The following KCTD12 variants were observed in gnomAD, a reference collection of about 807,000 sequenced individuals.
KCTD12 encodes BTB/POZ domain-containing protein KCTD12.
KCTD12 carries 16 observed loss-of-function variants against 22.6 expected under a neutral mutation model. That is an observed-to-expected ratio of 0.71 (90% CI 0.48 to 1.07). The LOEUF is 1.07. KCTD12 is among the 50% of genes least tolerant of loss of function. The probability of loss-of-function intolerance (pLI) is 0.00; values close to 1 mark genes in which losing one functional copy is unlikely to be tolerated. For synonymous variants in KCTD12, 260 were observed against 228.0 expected, an observed-to-expected ratio of 1.14 and a Z score of -1.26; for missense variants, 452 against 469.2, an observed-to-expected ratio of 0.96 and a Z score of 0.34.
rs1460843964 is a variant in KCTD12, at chr13:76,884,146, C to G, written c.*1025G>C. ...TGTCTGCTTCTCCCTTCCCACCCTT[C>G]CTACCCTTTCCTCCCTCCCCACCCC... On this transcript the variant is annotated 3_prime_UTR_variant, in exon 1 of 1. Coordinates refer to ENST00000377474, the MANE Select transcript of KCTD12 (RefSeq NM_138444.4). The G allele has an allele frequency of 1.3e-5, 2 of 151,524 alleles. No homozygotes were observed. Among genetic ancestry groups the G allele is most frequent in the Non-Finnish European group, 1.5e-5 (1 of 67,998 alleles). 9.4% of individuals were successfully genotyped at this position (151,524 alleles called of 1,614,324 possible).
chr13:76,884,994 G>A lies in KCTD12; in HGVS notation c.*177C>T. ...GAAGACGAAGCAGCCCAGAGGATTT[G>A]CGGCTGCAGGTTCTGTAGTGGAGGG... On this transcript the variant is annotated 3_prime_UTR_variant, in exon 1 of 1. Coordinates refer to ENST00000377474, the MANE Select transcript of KCTD12 (RefSeq NM_138444.4). 2 of 673,974 alleles carry A rather than the reference G, an allele frequency of 3.0e-6. No individual in the cohort carries two copies. Among genetic ancestry groups the A allele is most frequent in the South Asian group, 3.9e-5 (2 of 50,848 alleles). 41.7% of individuals were successfully genotyped at this position (673,974 alleles called of 1,614,324 possible). A position where few individuals can be genotyped will look rare whatever the true frequency, so the allele number is the denominator to read the frequency against.
chr13:76,884,339 C>CGGCA lies in KCTD12; in HGVS notation c.*828_*831dup, dbSNP rs1322010258. ...ACCTGAGCAGCCTTGCACTCTTAGG[C>CGGCA]GGCAGCGTCCTTTCTCCCTCTTGCC... On this transcript the variant is annotated 3_prime_UTR_variant, in exon 1 of 1. Transcript: ENST00000377474. The CGGCA allele has an allele frequency of 6.6e-6, 1 of 152,160 alleles. No individual in the cohort carries two copies. The highest frequency in any genetic ancestry group is 1.9e-4 in the East Asian group (1 of 5,188). The allele number at this position is 152,160 out of a possible 1,614,324, so 9.4% of individuals were successfully genotyped here.
At position 76,886,173 on chromosome 13, in the gene KCTD12, C is replaced by T; in HGVS notation, c.-25G>A. ...TGACAGAGAGGTGGCCGGGCCGGGACAGTGGCAGGAAGCCGCGCTGCACTC... is the reference window on the plus strand; with the variant it reads ...TGACAGAGAGGTGGCCGGGCCGGGATAGTGGCAGGAAGCCGCGCTGCACTC... On this transcript the variant is annotated 5_prime_UTR_variant, in exon 1 of 1. Coordinates refer to ENST00000377474, the MANE Select transcript of KCTD12 (RefSeq NM_138444.4). 6.9e-7 allele frequency: 1 copy of T among 1,447,288 alleles called. No individual in the cohort carries two copies. The highest frequency in any genetic ancestry group is 9.1e-7 in the Non-Finnish European group (1 of 1,103,822). The allele number at this position is 1,447,288 out of a possible 1,614,324, so 89.7% of individuals were successfully genotyped here.
Position 76,885,932 on chromosome 13 carries a change from CCAGCTCCTG to C in KCTD12, c.208_216del (p.Gln70_Leu72del), listed in dbSNP as rs769617749. The C allele has an allele frequency of 1.3e-6, 2 of 1,593,556 alleles. No homozygotes were observed. Among genetic ancestry groups the C allele is most frequent in the South Asian group, 1.1e-5 (1 of 90,032 alleles). The stretch of plus-strand genomic sequence containing the variant: ...AAGAAGCGGCCTTTGCTGTCCCGGG[CCAGCTCCTG>C]CGGCTGCTGCTGCGTGAACATGCGC... On this transcript the variant is annotated inframe_deletion, in exon 1 of 1. Transcript: ENST00000377474. The surrounding 1 kb of genome is among the most constrained non-coding windows in gnomAD (Gnocchi z 5.1).
rs190963511 is a variant in KCTD12, at chr13:76,885,222, G to A, written c.927C>T (p.Ser309=). 42 of 1,614,056 alleles carry A rather than the reference G, an allele frequency of 2.6e-5. No homozygotes were observed. Among genetic ancestry groups the A allele is most frequent in the Admixed American group, 8.3e-5 (5 of 60,028 alleles). Residue 309 remains serine (S), a synonymous_variant, in exon 1 of 1, where the codon AGC becomes AGT. Transcript: ENST00000377474. The surrounding 1 kb of genome is among the most constrained non-coding windows in gnomAD (Gnocchi z 5.1). ...TCAFASSTDQ[S]EDKIWTSYTE... is the part of the protein sequence containing the mutation. ...TGTAGCTGGTCCAGATCTTGTCCTC[G>A]CTCTGGTCGGTGCTGCTGGCAAAGG...
chr13:76,886,163 C>A lies in KCTD12; in HGVS notation c.-15G>T. On this transcript the variant is annotated 5_prime_UTR_variant, in exon 1 of 1. Coordinates refer to ENST00000377474, the MANE Select transcript of KCTD12 (RefSeq NM_138444.4). The stretch of plus-strand genomic sequence containing the variant: ...GCCAGAGCCATGACAGAGAGGTGGC[C>A]GGGCCGGGACAGTGGCAGGAAGCCG... 1.4e-6 allele frequency: 2 copies of A among 1,459,280 alleles called. No individual in the cohort carries two copies. The highest frequency in any genetic ancestry group is 1.8e-6 in the Non-Finnish European group (2 of 1,107,782). The allele number at this position is 1,459,280 out of a possible 1,614,324, so 90.4% of individuals were successfully genotyped here. A position where few individuals can be genotyped will look rare whatever the true frequency, so the allele number is the denominator to read the frequency against.
In KCTD12 at chr13:76,884,680, T is replaced by C. The variant is rs577426162; in HGVS notation, c.*491A>G. 1 of 154,752 alleles carries C rather than the reference T, an allele frequency of 6.5e-6. No homozygotes were observed. Among genetic ancestry groups the C allele is most frequent in the African/African-American group, 2.4e-5 (1 of 41,586 alleles). 9.6% of individuals were successfully genotyped at this position (154,752 alleles called of 1,614,324 possible). A position where few individuals can be genotyped will look rare whatever the true frequency, so the allele number is the denominator to read the frequency against. On this transcript the variant is annotated 3_prime_UTR_variant, in exon 1 of 1. Transcript: ENST00000377474. ...TCAAAAAGACTGTGTAATGACCTTGTAAAACACTAACCCCAGACAGTGGAA... is the reference window on the plus strand; with the variant it reads ...TCAAAAAGACTGTGTAATGACCTTGCAAAACACTAACCCCAGACAGTGGAA...
chr13:76,885,653 G>C lies in KCTD12; in HGVS notation c.496C>G (p.Gln166Glu). ...LLPLGYSEPE[Q>E]QEGASAGAPS... ...GCCCCGGCAGAGGCGCCCTCCTGCT[G>C]TTCGGGCTCCGAGTAGCCAAGCGGC... is the stretch of plus-strand genomic sequence containing the variant. The change falls in exon 1 of 1, where the codon CAG becomes GAG. Residue 166 changes from glutamine to glutamate, a missense_variant. Physicochemically the swap from Gln to Glu is conservative, Grantham distance 29. This residue lies in a region of KCTD12 where 330 missense variants were observed against 296.5 expected (regional missense o/e 1.11). Coordinates refer to ENST00000377474, the MANE Select transcript of KCTD12 (RefSeq NM_138444.4). This position sits in a 1 kb window ranked among gnomAD's most constrained non-coding sequence, Gnocchi z 5.1. 1 of 1,486,872 alleles carries C rather than the reference G, an allele frequency of 6.7e-7. No homozygotes were observed. Among genetic ancestry groups the C allele is most frequent in the Non-Finnish European group, 8.8e-7 (1 of 1,130,760 alleles). The allele number at this position is 1,486,872 out of a possible 1,614,324, so 92.1% of individuals were successfully genotyped here. A position where few individuals can be genotyped will look rare whatever the true frequency, so the allele number is the denominator to read the frequency against.
chr13:76,885,314 G>C lies in KCTD12; in HGVS notation c.835C>G (p.Gln279Glu). The change falls in exon 1 of 1, where the codon CAG (glutamine) becomes GAG (glutamate). Residue 279 changes from glutamine (Q) to glutamate (E), a missense_variant. Around this residue, in one of 2 missense-constraint regions of KCTD12, gnomAD observed 122 missense variants for 172.8 expected, o/e 0.71. Transcript: ENST00000377474. The surrounding 1 kb of genome is among the most constrained non-coding windows in gnomAD (Gnocchi z 5.1). The part of the protein sequence containing the change: ...RYYLKFNFLE[Q>E]AFDKLSESGF... Reference sequence around the variant, plus strand: ...GACTCGGACAGCTTGTCGAAGGCCTGCTCCAGGAAGTTGAACTTGAGGTAA... The same window carrying C: ...GACTCGGACAGCTTGTCGAAGGCCTCCTCCAGGAAGTTGAACTTGAGGTAA... 6.2e-7 allele frequency: 1 copy of C among 1,613,974 alleles called. No individual in the cohort carries two copies. Among genetic ancestry groups the C allele is most frequent in the Non-Finnish European group, 8.5e-7 (1 of 1,179,964 alleles).
In KCTD12 at chr13:76,885,342, G is replaced by C; in HGVS notation, c.807C>G (p.Arg269=). The C allele has an allele frequency of 1.2e-6, 2 of 1,613,866 alleles. No individual in the cohort carries two copies. The highest frequency in any genetic ancestry group is 1.7e-6 in the Non-Finnish European group (2 of 1,179,916). ...PDRPPERYTS[R]YYLKFNFLEQ... Reference sequence around the variant, plus strand: ...CCAGGAAGTTGAACTTGAGGTAATAGCGCGAGGTGTAGCGCTCCGGGGGAC... The same window carrying C: ...CCAGGAAGTTGAACTTGAGGTAATACCGCGAGGTGTAGCGCTCCGGGGGAC... Residue 269 remains arginine, a synonymous_variant, in exon 1 of 1, where the codon CGC becomes CGG. Coordinates refer to ENST00000377474, the MANE Select transcript of KCTD12 (RefSeq NM_138444.4). The surrounding 1 kb of genome is among the most constrained non-coding windows in gnomAD (Gnocchi z 5.1).
rs944926027 is a variant in KCTD12 at position 76,881,596 on chromosome 13, T to G, written c.*3575A>C. 1.3e-5 allele frequency: 2 copies of G among 152,536 alleles called. No individual in the cohort carries two copies. The highest frequency in any genetic ancestry group is 2.9e-5 in the Non-Finnish European group (2 of 68,012). The allele number at this position is 152,536 out of a possible 1,614,324, so 9.4% of individuals were successfully genotyped here. A position where few individuals can be genotyped will look rare whatever the true frequency, so the allele number is the denominator to read the frequency against. On this transcript the variant is annotated 3_prime_UTR_variant, in exon 1 of 1. Transcript: ENST00000377474. Reference sequence around the variant, plus strand: ...GGTCCCATATATACAGACATATATATGGCTCTGGTTTGAAAGAGAAGACAA... The same window carrying G: ...GGTCCCATATATACAGACATATATAGGGCTCTGGTTTGAAAGAGAAGACAA...
rs759957854 is a variant in KCTD12 at position 76,881,037 on chromosome 13, C to G, written c.*4134G>C. ...CAAAGAAAAGCTAACTTCAACATAA[C>G]TTGTTTCTGGCTATACAAAGACCTA... On this transcript the variant is annotated 3_prime_UTR_variant, in exon 1 of 1. Transcript: ENST00000377474. The G allele has an allele frequency of 1.3e-5, 2 of 152,162 alleles. No homozygotes were observed. The highest frequency in any genetic ancestry group is 2.9e-5 in the Non-Finnish European group (2 of 67,996). The allele number at this position is 152,162 out of a possible 1,614,324, so 9.4% of individuals were successfully genotyped here. A position where few individuals can be genotyped will look rare whatever the true frequency, so the allele number is the denominator to read the frequency against.
chr13:76,885,544 T>C lies in KCTD12; in HGVS notation c.605A>G (p.Asp202Gly), dbSNP rs776217189. ...GATGTAGCCCGAGCGCCGGCTGCCG[T>C]CCAGCGACTGGGACGGCGTGAGCAG... Reference protein sequence around the residue: ...GPLLTPSQSLDGSRRSGYITI... With the variant: ...GPLLTPSQSLGGSRRSGYITI... The change falls in exon 1 of 1, where the codon GAC (aspartate) becomes GGC (glycine). Residue 202 changes from aspartate to glycine, a missense_variant. This residue lies in a region of KCTD12 where 330 missense variants were observed against 296.5 expected (regional missense o/e 1.11). Coordinates refer to ENST00000377474, the MANE Select transcript of KCTD12 (RefSeq NM_138444.4). The surrounding 1 kb of genome is among the most constrained non-coding windows in gnomAD (Gnocchi z 5.1). 1.3e-6 allele frequency: 2 copies of C among 1,566,012 alleles called. No individual in the cohort carries two copies. Among genetic ancestry groups the C allele is most frequent in the Non-Finnish European group, 1.7e-6 (2 of 1,160,320 alleles).
rs2033201812 is a variant in KCTD12 at position 76,881,457 on chromosome 13, TTGAAA to T, written c.*3709_*3713del. The T allele has an allele frequency of 6.6e-6, 1 of 152,646 alleles. No individual in the cohort carries two copies. The highest frequency in any genetic ancestry group is 2.4e-5 in the African/African-American group (1 of 41,468). The allele number at this position is 152,646 out of a possible 1,614,324, so 9.5% of individuals were successfully genotyped here. On this transcript the variant is annotated 3_prime_UTR_variant, in exon 1 of 1. Coordinates refer to ENST00000377474, the MANE Select transcript of KCTD12 (RefSeq NM_138444.4). ...CAAAGTTTCACCTTACATGGCTTTA[TTGAAA>T]TAACATTCCATCGAAAATTCCAATA...
rs778638699 is a variant in KCTD12 at position 76,880,320 on chromosome 13, A to G, written c.*4851T>C. 3 of 152,678 alleles carry G rather than the reference A, an allele frequency of 2.0e-5. No homozygotes were observed. Among genetic ancestry groups the G allele is most frequent in the Non-Finnish European group, 2.9e-5 (2 of 68,046 alleles). The allele number at this position is 152,678 out of a possible 1,614,324, so 9.5% of individuals were successfully genotyped here. On this transcript the variant is annotated 3_prime_UTR_variant, in exon 1 of 1. Transcript: ENST00000377474. Reference sequence around the variant, plus strand: ...CTGGTTGTGAACAGGAAGAACAAAAATCTTTATAGCATTAGATGGTTGAAG... The same window carrying G: ...CTGGTTGTGAACAGGAAGAACAAAAGTCTTTATAGCATTAGATGGTTGAAG...
rs1593865415 is a variant in KCTD12, at chr13:76,883,259, G to T, written c.*1912C>A. The T allele has an allele frequency of 1.3e-5, 2 of 152,318 alleles. No homozygotes were observed. The highest frequency in any genetic ancestry group is 3.9e-4 in the East Asian group (2 of 5,192). 9.4% of individuals were successfully genotyped at this position (152,318 alleles called of 1,614,324 possible). A position where few individuals can be genotyped will look rare whatever the true frequency, so the allele number is the denominator to read the frequency against. On this transcript the variant is annotated 3_prime_UTR_variant, in exon 1 of 1. Transcript: ENST00000377474. The stretch of plus-strand genomic sequence containing the variant: ...GATTTGTAACATCTGTATGGACATA[G>T]TAAGATACAGTACGAGATTCATTTT...
Position 76,884,543 on chromosome 13 carries a change from G to A in KCTD12, c.*628C>T, listed in dbSNP as rs889082001. On this transcript the variant is annotated 3_prime_UTR_variant, in exon 1 of 1. Coordinates refer to ENST00000377474, the MANE Select transcript of KCTD12 (RefSeq NM_138444.4). Reference sequence around the variant, plus strand: ...CACGCACTAGATTCTTCTACTTTACGTGTAACTTTTCAAAACTTTATTAGT... The same window carrying A: ...CACGCACTAGATTCTTCTACTTTACATGTAACTTTTCAAAACTTTATTAGT... 6.6e-6 allele frequency: 1 copy of A among 152,206 alleles called. No individual in the cohort carries two copies. The highest frequency in any genetic ancestry group is 1.5e-5 in the Non-Finnish European group (1 of 68,130). The allele number at this position is 152,206 out of a possible 1,614,324, so 9.4% of individuals were successfully genotyped here.
Position 76,885,644 on chromosome 13 carries a change from C to T in KCTD12, c.505G>A (p.Gly169Ser). The T allele has an allele frequency of 6.7e-7, 1 of 1,493,450 alleles. No homozygotes were observed. Among genetic ancestry groups the T allele is most frequent in the Non-Finnish European group, 8.8e-7 (1 of 1,133,572 alleles). 92.5% of individuals were successfully genotyped at this position (1,493,450 alleles called of 1,614,324 possible). The change falls in exon 1 of 1, where the codon GGC (glycine) becomes AGC (serine). Residue 169 changes from glycine to serine, a missense_variant. Around this residue, in one of 2 missense-constraint regions of KCTD12, gnomAD observed 330 missense variants for 296.5 expected, o/e 1.11. Transcript: ENST00000377474. The surrounding 1 kb of genome is among the most constrained non-coding windows in gnomAD (Gnocchi z 5.1). The part of the protein sequence containing the change: ...LGYSEPEQQE[G>S]ASAGAPSPTL... ...GGCGACGGCGCCCCGGCAGAGGCGC[C>T]CTCCTGCTGTTCGGGCTCCGAGTAG...
rs1425184959 is a variant in KCTD12 at position 76,885,761 on chromosome 13, C to G, written c.388G>C (p.Gly130Arg). 2.0e-6 allele frequency: 3 copies of G among 1,522,016 alleles called. No homozygotes were observed. Among genetic ancestry groups the G allele is most frequent in the Middle Eastern group, 1.8e-4 (1 of 5,640 alleles). 94.3% of individuals were successfully genotyped at this position (1,522,016 alleles called of 1,614,324 possible). A position where few individuals can be genotyped will look rare whatever the true frequency, so the allele number is the denominator to read the frequency against. Residue 130 changes from glycine (G) to arginine (R), a missense_variant, in exon 1 of 1, where the codon GGG (glycine) becomes CGG (arginine). Gly to Arg is a moderately radical substitution (Grantham distance 125). This residue lies in a region of KCTD12 where 330 missense variants were observed against 296.5 expected (regional missense o/e 1.11). Coordinates refer to ENST00000377474, the MANE Select transcript of KCTD12 (RefSeq NM_138444.4). This position sits in a 1 kb window ranked among gnomAD's most constrained non-coding sequence, Gnocchi z 5.1. ...FELPELVRRL[G>R]APQQPGPGPP... ...CCCGGGCCGGGCTGCTGGGGCGCCCCGAGGCGGCGCACGAGCTCTGGCAGC... is the reference window on the plus strand; with the variant it reads ...CCCGGGCCGGGCTGCTGGGGCGCCCGGAGGCGGCGCACGAGCTCTGGCAGC...
Sources: gnomAD v4.1 joint callset for allele counts on GRCh38, gnomAD v4.1.1 for gene constraint, gnomAD v4.1.1 regional missense constraint, Gnocchi (gnomAD v3.1) non-coding constraint, MANE v1.5 for transcripts, NCBI Gene and HGNC (gene_info 2026-07-23, HGNC 2026-07-21) for gene names.